The following CRPPA variants were observed in gnomAD, a reference collection of about 807,000 sequenced individuals.
The protein encoded by CRPPA is CDP-L-ribitol pyrophosphorylase A.
Under a neutral mutation model 52.0 loss-of-function variants are expected in CRPPA, and 43 were observed. The observed-to-expected ratio is 0.83, with a 90% CI of 0.65 to 1.07. The LOEUF (loss-of-function observed/expected upper bound fraction) is 1.07. CRPPA is among the 50% of genes least tolerant of loss of function. The pLI, the probability that CRPPA is intolerant of heterozygous loss-of-function variation, is 0.00. For synonymous variants in CRPPA, 250 were observed against 203.5 expected (o/e 1.23, Z -1.94); for missense variants, 629 against 551.7 (o/e 1.14, Z -1.40).
At chr7:16,168,916 A>G (rs1044234451) in intron 9 of CRPPA, among the ~76,000 whole-genome samples, 5 of 152,186 alleles carry the variant, frequency 3.3e-5, no homozygotes, top group African/African-American at 1.2e-4. Context: ...AGTGTACCTG[A>G]AAAACCAATG....
intron 6 of CRPPA, among the ~76,000 whole-genome samples, chr7:16,274,875 T>C (rs1784168932): frequency 6.6e-6 from 1 of 152,150 alleles, no homozygotes; most frequent in Non-Finnish European, 1.5e-5. Flanking sequence ...TTTTAGTCTT[T>C]GAATCTCTGC....
chr7:16,354,897 A>G (rs1251442660), intron 3 of CRPPA, among the ~76,000 whole-genome samples: 1 of 152,190 alleles, frequency 6.6e-6, no homozygotes, highest in Non-Finnish European at 1.5e-5. Flanking sequence ...AAAACTAAAC[A>G]GCAAAGTTAA....
rs187344556 is a variant in CRPPA at position 16,216,050 on chromosome 7, T to A, written c.1251+16A>T. 1.4e-4 allele frequency: 215 copies of A among 1,565,678 alleles called. 1 individual carries two copies. The African/African-American group carries it at 2.8e-3, about 20-fold the overall frequency. On this transcript the variant is annotated intron_variant, in intron 9 of 9. Transcript: ENST00000407010. ...GTCTACAGAACATACATTCGGAAGA[T>A]AAACATTTTACCTACCTGTGGGTAA...
chr7:16,231,958 C>A (rs1195991938), intron 8 of CRPPA, among the ~76,000 whole-genome samples: 3 of 152,138 alleles, frequency 2.0e-5, no homozygotes, highest in African/African-American at 4.8e-5. Flanking sequence ...GATTTCATTT[C>A]TTTTAATTGA....
chr7:16,327,152 C>T (rs1351172160), intron 3 of CRPPA, among the ~76,000 whole-genome samples: 2 of 152,106 alleles, frequency 1.3e-5, no homozygotes, highest in Non-Finnish European at 2.9e-5. Context: ...AGTTCTTTTG[C>T]TTTCTCTTTT....
intron 3 of CRPPA, among the ~76,000 whole-genome samples, chr7:16,358,650 A>G (rs1380778415): frequency 6.6e-6 from 1 of 152,230 alleles, no homozygotes; most frequent in Non-Finnish European, 1.5e-5. Flanking sequence ...TACTATAAGC[A>G]GAAAACTCCC....
intron 8 of CRPPA, among the ~76,000 whole-genome samples, chr7:16,217,879 C>G (rs1782375864): frequency 6.6e-6 from 1 of 152,058 alleles, no homozygotes; most frequent in African/African-American, 2.4e-5. Flanking sequence ...AGGATATTAT[C>G]CAGGAGAATT....
chr7:16,325,603 TAAATGTGCC>T (rs1785366534), intron 3 of CRPPA, among the ~76,000 whole-genome samples: 1 of 152,146 alleles, frequency 6.6e-6, no homozygotes, highest in African/African-American at 2.4e-5. Flanking sequence ...CAACCATTTG[TAAATGTGCC>T]AAAGTACCAA....
At chr7:16,305,731 T>C (rs4133748) in intron 4 of CRPPA, among the ~76,000 whole-genome samples, 90,440 of 151,784 alleles carry the variant, frequency 0.6, 28,270 homozygotes, top group Non-Finnish European at 0.7. Flanking sequence ...CTGAGTGTGG[T>C]GGCAAGCGCC....
intron 9 of CRPPA, among the ~76,000 whole-genome samples, chr7:16,146,499 A>G (rs1313176739): frequency 6.6e-6 from 1 of 152,182 alleles, no homozygotes; most frequent in African/African-American, 2.4e-5. Flanking sequence ...TGTAATGGTG[A>G]TAACACAAAT....
intron 6 of CRPPA, among the ~76,000 whole-genome samples, chr7:16,271,861 C>T (rs549979367): frequency 6.6e-6 from 1 of 152,298 alleles, no homozygotes; most frequent in South Asian, 2.1e-4. Context: ...GGAAATCATA[C>T]TTGCTCAGTT....
intron 6 of CRPPA, among the ~76,000 whole-genome samples, chr7:16,267,061 G>C (rs1362744737): frequency 6.6e-6 from 1 of 152,140 alleles, no homozygotes; most frequent in African/African-American, 2.4e-5. Context: ...TGCAAGCTGA[G>C]AACTGGCAAG....
intron 3 of CRPPA, among the ~76,000 whole-genome samples, chr7:16,346,462 C>T (rs1054948969): frequency 1.3e-5 from 2 of 151,780 alleles, no homozygotes; most frequent in East Asian, 3.9e-4. Context: ...GTGCTAAAAC[C>T]ACAAGAATGT....
chr7:16,354,069 A>T (rs1227363741), intron 3 of CRPPA, among the ~76,000 whole-genome samples: 2 of 152,144 alleles, frequency 1.3e-5, no homozygotes, highest in African/African-American at 4.8e-5. Context: ...TTTATCATTT[A>T]AACCTGATAG....
intron 9 of CRPPA, among the ~76,000 whole-genome samples, chr7:16,211,926 T>C (rs954635944): frequency 6.6e-6 from 1 of 152,248 alleles, no homozygotes; most frequent in Admixed American, 6.5e-5. Flanking sequence ...ATATGGTTTA[T>C]ACTTGTGATA....
intron 9 of CRPPA, among the ~76,000 whole-genome samples, chr7:16,183,184 AC>A (rs1369860209): frequency 6.6e-6 from 1 of 152,196 alleles, no homozygotes; most frequent in African/African-American, 2.4e-5. Context: ...AATGGCAAAA[AC>A]AATGCCAGCA....
At chr7:16,176,505 A>C in intron 9 of CRPPA, among the ~76,000 whole-genome samples, 1 of 152,280 alleles carries the variant, frequency 6.6e-6, no homozygotes, top group East Asian at 1.9e-4. Context: ...TGGCTAATAT[A>C]AAAACAAGAA....
At chr7:16,234,997 A>G (rs555855976) in intron 8 of CRPPA, among the ~76,000 whole-genome samples, 3 of 152,258 alleles carry the variant, frequency 2.0e-5, no homozygotes, top group Admixed American at 6.5e-5. Context: ...ACTACTCAAT[A>G]AGGAAATGAG....
At chr7:16,264,748 G>A (rs1199745222) in intron 6 of CRPPA, among the ~76,000 whole-genome samples, 1 of 152,170 alleles carries the variant, frequency 6.6e-6, no homozygotes, top group African/African-American at 2.4e-5. Flanking sequence ...TCCACTCTGT[G>A]AACATGCCAA....
Sources: gnomAD v4.1 joint callset for allele counts (sites outside exome capture counted in the v4.1 genomes callset) on GRCh38, gnomAD v4.1.1 for gene constraint, MANE v1.5 for transcripts, NCBI Gene and HGNC (gene_info 2026-07-23, HGNC 2026-07-21) for gene names.